Variants in RBFOX1 observed in about 807,000 individuals in gnomAD.
RBFOX1 encodes RNA binding fox-1 homolog 1.
Under a neutral mutation model 57.7 loss-of-function variants are expected in RBFOX1, and 8 were observed. The observed-to-expected ratio is 0.14, with a 90% CI of 0.08 to 0.25. The LOEUF is 0.25. RBFOX1 is among the 10% of genes least tolerant of loss of function. The probability of loss-of-function intolerance (pLI) is 1.00; values close to 1 mark genes in which losing one functional copy is unlikely to be tolerated. For missense variants in RBFOX1, 611 were observed against 548.5 expected (o/e 1.11, Z -1.14); for synonymous variants, 326 against 222.4 (o/e 1.47, Z -4.15).
chr16:7,005,299 A>G (rs1344520533), intron 3 of RBFOX1, among the ~76,000 whole-genome samples: 1 of 152,168 alleles, frequency 6.6e-6, no homozygotes, highest in Non-Finnish European at 1.5e-5. Flanking sequence ...CATTCCAGTC[A>G]TCTTCCTCCC....
rs768412003 is a variant in RBFOX1, at chr16:7,694,892, C to T, written c.996-14164C>T. Among the ~76,000 whole-genome samples the T allele has an allele frequency of 5.9e-5, 9 of 152,130 alleles. 1 individual carries two copies. The highest frequency in any genetic ancestry group is 2.1e-4 in the South Asian group (1 of 4,832). ...TGCCTCAGTGCACTAGAGCTTCTGC[C>T]TTCTGTTAACCCCTGTGCATGTTCC... is the stretch of plus-strand genomic sequence containing the variant. On this transcript the variant is annotated intron_variant, in intron 14 of 15. Transcript: ENST00000550418.
chr16:7,240,251 G>A (rs1460603880), intron 4 of RBFOX1, among the ~76,000 whole-genome samples: 1 of 152,100 alleles, frequency 6.6e-6, no homozygotes, highest in Non-Finnish European at 1.5e-5. Flanking sequence ...ACAGGTATGA[G>A]CCGATGCATC....
At chr16:5,381,147 C>T (rs978432048) in intron 1 of RBFOX1, among the ~76,000 whole-genome samples, 6 of 152,132 alleles carry the variant, frequency 3.9e-5, no homozygotes, top group Non-Finnish European at 8.8e-5. Context: ...ATCAGAAGAG[C>T]TAGTATGGGG....
intron 12 of RBFOX1, among the ~76,000 whole-genome samples, chr16:7,663,550 T>C (rs1408579154): frequency 1.3e-5 from 2 of 151,832 alleles, no homozygotes; most frequent in East Asian, 3.9e-4. Context: ...TGCCTTCCCT[T>C]GGCTCAATAT....
intron 2 of RBFOX1, among the ~76,000 whole-genome samples, chr16:6,506,881 C>G (rs1448589028): frequency 1.3e-5 from 2 of 152,116 alleles, no homozygotes; most frequent in Admixed American, 6.5e-5. Context: ...CTCCTGACCT[C>G]AAGTGATCCA....
intron 1 of RBFOX1, among the ~76,000 whole-genome samples, chr16:6,198,913 C>T (rs970265529): frequency 6.6e-6 from 1 of 151,856 alleles, no homozygotes; most frequent in African/African-American, 2.4e-5. Flanking sequence ...TCCCTATCAT[C>T]CGCTTCTTTT....
At chr16:5,766,190 G>T (rs1319685799) in intron 3 of RBFOX1, among the ~76,000 whole-genome samples, 1 of 152,192 alleles carries the variant, frequency 6.6e-6, no homozygotes, top group Non-Finnish European at 1.5e-5. Flanking sequence ...AGAACAGCTT[G>T]TCTAGCCATG....
chr16:7,586,840 C>G (rs1432077341), intron 6 of RBFOX1, among the ~76,000 whole-genome samples: 1 of 152,180 alleles, frequency 6.6e-6, no homozygotes, highest in African/African-American at 2.4e-5. Context: ...CCAGTCACAT[C>G]ACATTCTCAC....
chr16:5,916,565 T>G (rs2058708086), intron 4 of RBFOX1, among the ~76,000 whole-genome samples: 2 of 152,118 alleles, frequency 1.3e-5, no homozygotes, highest in South Asian at 4.1e-4. Flanking sequence ...CCTTTATAAT[T>G]AGGAGGTGCT....
intron 3 of RBFOX1, among the ~76,000 whole-genome samples, chr16:5,856,251 GTA>G (rs1248814296): frequency 2.8e-4 from 6 of 21,246 alleles, no homozygotes; most frequent in Admixed American, 1.5e-3. Context: ...GTATATATAT[GTA>G]TATATATGTA....
intron 2 of RBFOX1, among the ~76,000 whole-genome samples, chr16:6,340,096 C>A (rs1402458388): frequency 2.0e-5 from 3 of 152,130 alleles, no homozygotes; most frequent in Non-Finnish European, 4.4e-5. Flanking sequence ...GGAAGTGGAA[C>A]AAAGTGCAGC....
At position 7,511,843 on chromosome 16, in the gene RBFOX1, A is replaced by G. The variant is rs115067591; in HGVS notation, c.28-6304A>G. Among the ~76,000 whole-genome samples the G allele has an allele frequency of 6.3e-3, 962 of 152,280 alleles. 13 individuals are homozygous for G. Among genetic ancestry groups the G allele is most frequent in the African/African-American group, 0.022 (910 of 41,564 alleles). On this transcript the variant is annotated intron_variant, in intron 4 of 15. Coordinates refer to ENST00000550418, the MANE Select transcript of RBFOX1 (RefSeq NM_018723.4). ...TAAATGTTGTTTATTTCAAGCTTCT[A>G]GTCAGTTGTGCAGCAGCAATAGTGG...
chr16:5,904,314 A>G (rs17715789), intron 4 of RBFOX1, among the ~76,000 whole-genome samples: 9,875 of 152,164 alleles, frequency 0.065, 444 homozygotes, highest in Admixed American at 0.087. Context: ...GGCCAGCAGA[A>G]TACAAAGCTT....
intron 1 of RBFOX1, among the ~76,000 whole-genome samples, chr16:5,351,868 A>G (rs149840979): frequency 0.021 from 3,263 of 152,266 alleles, 55 homozygotes; most frequent in South Asian, 0.085. Flanking sequence ...CAATGGCACA[A>G]TCTTGGCTCA....
rs75161800 is a variant in RBFOX1, at chr16:7,710,081, G to A, written c.1072-542G>A. On this transcript the variant is annotated intron_variant, in intron 15 of 15. Coordinates refer to ENST00000550418, the MANE Select transcript of RBFOX1 (RefSeq NM_018723.4). ...ATAGAAATTCAGCCATGATTTGGAAGCATTGTTTTGCACAAGCTTAATTAC... is the reference window on the plus strand; with the variant it reads ...ATAGAAATTCAGCCATGATTTGGAAACATTGTTTTGCACAAGCTTAATTAC... 9,064 of 999,920 alleles carry A rather than the reference G, an allele frequency of 9.1e-3. 124 individuals are homozygous for A. The highest frequency in any genetic ancestry group is 0.046 in the East Asian group (409 of 8,954). The allele number at this position is 999,920 out of a possible 1,614,324, so 61.9% of individuals were successfully genotyped here.
At position 5,838,344 on chromosome 16, in the gene RBFOX1, C is replaced by A. The variant is rs1294539149; in HGVS notation, c.319-28959C>A. The A allele has an allele frequency of 4.7e-5, 8 of 171,226 alleles. No individual in the cohort carries two copies. The East Asian group carries it at 1.3e-3, about 28-fold the overall frequency. The allele number at this position is 171,226 out of a possible 1,614,324, so 10.6% of individuals were successfully genotyped here. On this transcript the variant is annotated intron_variant, in intron 3 of 19. Coordinates refer to the RBFOX1 transcript ENST00000641259. The stretch of plus-strand genomic sequence containing the variant: ...CAGAGTTATCCTTGAATGCAGCGAG[C>A]ATGTGGAGGGATGCCACCCAGTAGT...
intron 1 of RBFOX1, among the ~76,000 whole-genome samples, chr16:6,193,398 A>ATAC (rs2097157765): frequency 1.6e-5 from 1 of 62,860 alleles, no homozygotes; most frequent in African/African-American, 6.3e-5. Context: ...TATACTATAT[A>ATAC]TATATATATA....
intron 1 of RBFOX1, among the ~76,000 whole-genome samples, chr16:6,106,070 T>C (rs1376313768): frequency 6.6e-6 from 1 of 152,176 alleles, no homozygotes; most frequent in African/African-American, 2.4e-5. Context: ...CTTCTCCATT[T>C]TCCTTCAATG....
At chr16:5,944,487 C>G (rs9926639) in intron 4 of RBFOX1, among the ~76,000 whole-genome samples, 2 of 152,092 alleles carry the variant, frequency 1.3e-5, no homozygotes, top group Non-Finnish European at 2.9e-5. Flanking sequence ...AGCTGCACTT[C>G]TCAGTGGAGA....
Sources: gnomAD v4.1 joint callset for allele counts (sites outside exome capture counted in the v4.1 genomes callset) on GRCh38, gnomAD v4.1.1 for gene constraint, MANE v1.5 for transcripts, NCBI Gene and HGNC (gene_info 2026-07-23, HGNC 2026-07-21) for gene names.